Variants in ITGB5 observed in about 807,000 individuals in gnomAD.
The protein encoded by ITGB5 is integrin beta-5.
In ITGB5, 38 loss-of-function variants were observed where a neutral mutation model predicts 84.8. The ratio of observed to expected loss-of-function variants is 0.45; its 90% CI spans 0.35 to 0.59. The LOEUF is 0.59. Ranked by LOEUF, ITGB5 falls within the 20% of genes least tolerant of loss-of-function variation. The pLI is 0.01. For synonymous variants in ITGB5, 393 were observed against 414.4 expected, an observed-to-expected ratio of 0.95 and a Z score of 0.63; for missense variants, 905 against 1,034.5, an observed-to-expected ratio of 0.87 and a Z score of 1.72.
intron 5 of ITGB5, among the ~76,000 whole-genome samples, chr3:124,833,487 A>T (rs2064886798): frequency 6.6e-6 from 1 of 152,168 alleles, no homozygotes; most frequent in Admixed American, 6.5e-5. Flanking sequence ...ATCTATCTTT[A>T]ATTTTCTCCA....
At position 124,773,807 on chromosome 3, in the gene ITGB5, T is replaced by C. The variant is rs1225496009; in HGVS notation, c.1799A>G (p.Gln600Arg). ...ACAGTGCCCACGCTCGCTGCAGATC[T>C]GGCCATCTCTGCCCCGGCATGTGCT... Reference protein sequence around the residue: ...DISTCRGRDGQICSERGHCLC... With the variant: ...DISTCRGRDGRICSERGHCLC... The change falls in exon 11 of 15, where the codon CAG becomes CGG. Residue 600 changes from glutamine (Q) to arginine (R), a missense_variant. Physicochemically the swap from Gln to Arg is conservative, Grantham distance 43. Coordinates refer to ENST00000296181, the MANE Select transcript of ITGB5 (RefSeq NM_002213.5). 1 of 1,614,032 alleles carries C rather than the reference T, an allele frequency of 6.2e-7. No individual in the cohort carries two copies. The highest frequency in any genetic ancestry group is 8.5e-7 in the Non-Finnish European group (1 of 1,180,034).
At chr3:124,895,322 G>A (rs1025688862) in intron 1 of ITGB5, among the ~76,000 whole-genome samples, 4 of 152,158 alleles carry the variant, frequency 2.6e-5, no homozygotes, top group African/African-American at 9.7e-5. Flanking sequence ...AACCTTGTGG[G>A]CTCCGGCAAT....
chr3:124,810,908 T>TCTTCTTTCTTTC (rs1553759104), intron 8 of ITGB5, among the ~76,000 whole-genome samples: 1 of 149,952 alleles, frequency 6.7e-6, no homozygotes, highest in African/African-American at 2.5e-5. Flanking sequence ...CTCTTGTGGG[T>TCTTCTTTCTTTC]TTTCTTTCTT....
At chr3:124,792,235 A>G (rs1009967093) in intron 10 of ITGB5, 6 of 152,206 alleles carry the variant, frequency 3.9e-5, no homozygotes, top group African/African-American at 1.4e-4. Context: ...TTAGGATATA[A>G]TATTATAGGA....
intron 8 of ITGB5, among the ~76,000 whole-genome samples, chr3:124,816,364 T>C (rs1249567802): frequency 2.6e-5 from 4 of 152,242 alleles, no homozygotes; most frequent in Non-Finnish European, 5.9e-5. Flanking sequence ...GAAGGCAAGA[T>C]GACTTTTCTC....
At chr3:124,807,126 T>A (rs2064417444) in intron 9 of ITGB5, among the ~76,000 whole-genome samples, 1 of 152,122 alleles carries the variant, frequency 6.6e-6, no homozygotes, top group Non-Finnish European at 1.5e-5. Context: ...CCATAAATAA[T>A]CATTTGTGGG....
intron 1 of ITGB5, among the ~76,000 whole-genome samples, chr3:124,876,940 CTT>C (rs1559983564): frequency 6.8e-6 from 1 of 146,710 alleles, no homozygotes; most frequent in South Asian, 2.3e-4. Flanking sequence ...AGTGAGTTTT[CTT>C]TTCTTTTCTT....
chr3:124,776,704 A>G (rs2063931468), intron 10 of ITGB5, among the ~76,000 whole-genome samples: 1 of 152,232 alleles, frequency 6.6e-6, no homozygotes, highest in Non-Finnish European at 1.5e-5. Context: ...ACACAAACAT[A>G]TAAAAAGTAA....
At chr3:124,819,932 G>T in intron 6 of ITGB5, 98 bp from the exon 7 acceptor site, 1 of 900,616 alleles carries the variant, frequency 1.1e-6, no homozygotes. Context: ...ATTTGCCAGG[G>T]AAGCACCTTT....
At chr3:124,849,426 C>T (rs964338621) in intron 3 of ITGB5, among the ~76,000 whole-genome samples, 14 of 152,148 alleles carry the variant, frequency 9.2e-5, no homozygotes, top group African/African-American at 3.4e-4. Flanking sequence ...AATATGCATG[C>T]TTATGCCACA....
chr3:124,795,317 C>T (rs561529476), intron 10 of ITGB5, among the ~76,000 whole-genome samples: 7 of 152,072 alleles, frequency 4.6e-5, no homozygotes, highest in Middle Eastern at 3.4e-3. Flanking sequence ...GGTGAAACCC[C>T]GTCTCTACTA....
At chr3:124,768,465 G>A (rs974920675) in intron 12 of ITGB5, among the ~76,000 whole-genome samples, 1 of 152,110 alleles carries the variant, frequency 6.6e-6, no homozygotes, top group Non-Finnish European at 1.5e-5. Flanking sequence ...TGTCTCCATG[G>A]CTTTCTCTGT....
chr3:124,792,787 T>C (rs1027465205), intron 10 of ITGB5: 1 of 152,138 alleles, frequency 6.6e-6, no homozygotes, highest in African/African-American at 2.4e-5. Context: ...GAGAAAGAGA[T>C]AGAGCACCAG....
intron 13 of ITGB5, among the ~76,000 whole-genome samples, 169 bp from the exon 14 acceptor site, chr3:124,764,726 C>G (rs1217365113): frequency 1.3e-5 from 2 of 152,202 alleles, no homozygotes; most frequent in Non-Finnish European, 2.9e-5. Context: ...ATGAAAGATT[C>G]AAAAGGGACA....
chr3:124,817,771 A>G, intron 7 of ITGB5, 61 bp from the exon 8 acceptor site: 1 of 936,554 alleles, frequency 1.1e-6, no homozygotes, highest in Non-Finnish European at 1.7e-6. Context: ...CATCAGAGTG[A>G]GCATTGCTAT....
At chr3:124,764,670 C>G in intron 13 of ITGB5, 113 bp from the exon 14 acceptor site, 1 of 998,838 alleles carries the variant, frequency 1.0e-6, no homozygotes, top group Non-Finnish European at 1.5e-6. Flanking sequence ...GCCTTCTCCT[C>G]GGCTCTCCCT....
Position 124,892,691 on chromosome 3 carries a change from T to TA in ITGB5, c.-255+8574dup, listed in dbSNP as rs35455753. Reference sequence around the variant, plus strand: ...GCCTGGGTGACAGAGGGAGACTCTGTAAAAAAAAAAAAAAAAAAAAAAGTT... The same window carrying TA: ...GCCTGGGTGACAGAGGGAGACTCTGTAAAAAAAAAAAAAAAAAAAAAAAGTT... On this transcript the variant is annotated intron_variant, in intron 1 of 4. Transcript: ENST00000608657. Among the ~76,000 whole-genome samples the TA allele has an allele frequency of 5.4e-3, 493 of 91,630 alleles. 6 individuals are homozygous for TA. The highest frequency in any genetic ancestry group is 0.014 in the East Asian group (45 of 3,142). 60.1% of individuals were successfully genotyped at this position (91,630 alleles called of 152,430 possible).
rs750227931 is a variant in ITGB5, at chr3:124,798,418, TTTGTTG to T, written c.1264-1607_1264-1602del. On this transcript the variant is annotated intron_variant, in intron 9 of 14. Transcript: ENST00000296181. ...TGGACAATCTTCAGGTAACAATGTT[TTTGTTG>T]TTGTTGTTGTTGTTTGAGACAGAGT... Among the ~76,000 whole-genome samples, 5 of 151,630 alleles carry T rather than the reference TTTGTTG, an allele frequency of 3.3e-5. No homozygotes were observed. The East Asian group carries it at 5.8e-4, about 18-fold the overall frequency.
At chr3:124,835,023 C>T (rs1406459604) in intron 5 of ITGB5, among the ~76,000 whole-genome samples, 1 of 152,172 alleles carries the variant, frequency 6.6e-6, no homozygotes, top group South Asian at 2.1e-4. Context: ...AAGGGGCCTC[C>T]TACCCTTTCC....
Sources: allele counts gnomAD v4.1 joint callset (sites outside exome capture counted in the v4.1 genomes callset), GRCh38; gene constraint gnomAD v4.1.1; transcripts MANE v1.5; gene names NCBI Gene and HGNC (gene_info 2026-07-23, HGNC 2026-07-21).